Variants in RYR2 observed in about 807,000 individuals in gnomAD.
The protein encoded by RYR2 is ryanodine receptor 2, also known as cardiac muscle ryanodine receptor-calcium release channel.
A neutral mutation model predicts 601.1 loss-of-function variants in RYR2; 227 were observed. That is an observed-to-expected ratio of 0.38 (90% CI 0.34 to 0.42). The LOEUF (loss-of-function observed/expected upper bound fraction) is 0.42, where lower values mean the gene tolerates loss of function less well. Among genes scored for constraint, RYR2 ranks in the 10% least tolerant of loss-of-function variants. The pLI is 1.00. For missense variants in RYR2, 4,646 were observed against 6,156.5 expected (o/e 0.75, Z 8.21); for synonymous variants, 2,223 against 2,175.1 (o/e 1.02, Z -0.61).
At chr1:237,381,246 C>T (rs545117433) in intron 8 of RYR2, among the ~76,000 whole-genome samples, 5 of 102,070 alleles carry the variant, frequency 4.9e-5, no homozygotes, top group East Asian at 6.0e-4. Flanking sequence ...AACGAGACTC[C>T]GTCTCAAAAA....
intron 80 of RYR2, among the ~76,000 whole-genome samples, chr1:237,755,993 A>G (rs1692921042): frequency 6.6e-6 from 1 of 152,204 alleles, no homozygotes; most frequent in Non-Finnish European, 1.5e-5. Context: ...TTGATGAAGT[A>G]CAGTACTTCA....
chr1:237,792,360 TGTGTGTGTGTGTGTGTGTGTGC>T (rs1447553185), intron 94 of RYR2, 37 bp downstream of exon 94: 4 of 820,750 alleles, frequency 4.9e-6, no homozygotes, highest in African/African-American at 4.9e-5. Flanking sequence ...TGTGTGTGTG[TGTGTGTGTGTGTGTGTGTGTGC>T]GTGTGTGTGT....
chr1:237,215,262 C>T (rs1683031921), intron 1 of RYR2, among the ~76,000 whole-genome samples: 1 of 152,000 alleles, frequency 6.6e-6, no homozygotes. Flanking sequence ...CCTTTATTCT[C>T]AAGGAATACA....
intron 71 of RYR2, among the ~76,000 whole-genome samples, chr1:237,715,639 T>C (rs748759085): frequency 1.3e-5 from 2 of 152,132 alleles, no homozygotes; most frequent in Non-Finnish European, 2.9e-5. Context: ...CTTTACAGGT[T>C]AAAATCAATG....
intron 1 of RYR2, among the ~76,000 whole-genome samples, chr1:237,253,230 TTATTA>T (rs1484647108): frequency 3.6e-5 from 1 of 27,516 alleles, no homozygotes; most frequent in African/African-American, 4.4e-5. Context: ...TTACAAATTA[TTATTA>T]TATTATTATT....
chr1:237,369,549 G>T lies in RYR2; in HGVS notation c.325G>T (p.Gly109Cys). The change falls in exon 6 of 105, where the codon GGT (glycine) becomes TGT (cysteine). Residue 109 changes from glycine (G) to cysteine (C), a missense_variant. This residue lies in a region of RYR2 where 153 missense variants were observed against 203.6 expected (regional missense o/e 0.75). Coordinates refer to ENST00000366574, the MANE Select transcript of RYR2 (RefSeq NM_001035.3). ...KFMMKTAQGG[G>C]HRTLLYGHAI... ...CTCTCTAAAGACTGCTCAAGGTGGT[G>T]GTCATCGAACACTCCTCTACGGACA... The T allele has an allele frequency of 1.9e-6, 3 of 1,563,518 alleles. No homozygotes were observed. Among genetic ancestry groups the T allele is most frequent in the Admixed American group, 1.9e-5 (1 of 52,560 alleles).
At chr1:237,426,655 C>A (rs1228530143) in intron 12 of RYR2, among the ~76,000 whole-genome samples, 3 of 152,150 alleles carry the variant, frequency 2.0e-5, no homozygotes, top group African/African-American at 7.2e-5. Context: ...TGATATCCTT[C>A]CAGCAAAATA....
At chr1:237,131,333 T>C (rs748268412) in intron 1 of RYR2, among the ~76,000 whole-genome samples, 4 of 152,094 alleles carry the variant, frequency 2.6e-5, no homozygotes, top group Non-Finnish European at 5.9e-5. Flanking sequence ...GTAAATATTA[T>C]TATCTTTGAT....
chr1:237,424,046 C>T (rs926270363), intron 12 of RYR2, among the ~76,000 whole-genome samples: 5 of 151,990 alleles, frequency 3.3e-5, no homozygotes, highest in Admixed American at 6.5e-5. Flanking sequence ...TCAGGTCTCA[C>T]GAGAACTCAC....
Position 237,315,872 on chromosome 1 carries a change from C to T in RYR2, c.169-15006C>T, listed in dbSNP as rs574681040. Among the ~76,000 whole-genome samples, 248 of 152,106 alleles carry T rather than the reference C, an allele frequency of 1.6e-3. 1 individual carries two copies. The highest frequency in any genetic ancestry group is 3.5e-3 in the East Asian group (18 of 5,178). On this transcript the variant is annotated intron_variant, in intron 2 of 104. Coordinates refer to ENST00000366574, the MANE Select transcript of RYR2 (RefSeq NM_001035.3). The stretch of plus-strand genomic sequence containing the variant: ...GTAACCATTATGTCCAAACTTTATA[C>T]CAAAAATTTAAGATACCAGATAGGG...
intron 1 of RYR2, among the ~76,000 whole-genome samples, chr1:237,189,221 A>G: frequency 6.6e-6 from 1 of 152,066 alleles, no homozygotes; most frequent in East Asian, 1.9e-4. Context: ...ATGCCATAGA[A>G]TTTCCTTCTT....
chr1:237,120,679 C>T (rs1670670960), intron 1 of RYR2: 2 of 152,196 alleles, frequency 1.3e-5, no homozygotes, highest in African/African-American at 4.8e-5. Context: ...TGTGGTGAGG[C>T]TGAAATGTGC....
At chr1:237,166,463 C>G (rs1290374705) in intron 1 of RYR2, among the ~76,000 whole-genome samples, 1 of 150,746 alleles carries the variant, frequency 6.6e-6, no homozygotes, top group South Asian at 2.1e-4. Context: ...AAGCTGAAGT[C>G]TCTCAGGGCT....
intron 52 of RYR2, among the ~76,000 whole-genome samples, chr1:237,655,211 C>T (rs1258377987): frequency 6.6e-6 from 1 of 152,132 alleles, no homozygotes; most frequent in African/African-American, 2.4e-5. Context: ...ATTTATTTAA[C>T]ATTGAACATT....
chr1:237,424,123 G>T (rs1277354617), intron 12 of RYR2, among the ~76,000 whole-genome samples: 3 of 152,146 alleles, frequency 2.0e-5, no homozygotes, highest in Non-Finnish European at 4.4e-5. Context: ...CCCTCGAGAC[G>T]TGGAGATTAC....
intron 79 of RYR2, among the ~76,000 whole-genome samples, chr1:237,737,750 C>T (rs929202417): frequency 6.6e-6 from 1 of 152,130 alleles, no homozygotes; most frequent in Non-Finnish European, 1.5e-5. Context: ...TTTTTATACC[C>T]TTTCCCAGAC....
intron 60 of RYR2, 40 bp downstream of exon 60, chr1:237,674,886 T>C: frequency 8.8e-7 from 1 of 1,142,746 alleles, no homozygotes; most frequent in Non-Finnish European, 1.3e-6. Flanking sequence ...CCAGTGTTTG[T>C]TGTTTTTAAT....
At chr1:237,310,120 G>A (rs1694384568) in intron 2 of RYR2, among the ~76,000 whole-genome samples, 1 of 152,260 alleles carries the variant, frequency 6.6e-6, no homozygotes, top group South Asian at 2.1e-4. Flanking sequence ...CCGAGGCCGA[G>A]GAGGTGCTGA....
intron 1 of RYR2, among the ~76,000 whole-genome samples, chr1:237,257,458 T>C (rs1226208381): frequency 2.0e-5 from 3 of 151,994 alleles, no homozygotes; most frequent in African/African-American, 4.8e-5. Flanking sequence ...TACCTGGGAG[T>C]AGATGCTTAA....
Sources: allele counts gnomAD v4.1 joint callset (sites outside exome capture counted in the v4.1 genomes callset), GRCh38; gene constraint gnomAD v4.1.1; regional missense constraint gnomAD v4.1.1; transcripts MANE v1.5; gene names NCBI Gene and HGNC (gene_info 2026-07-23, HGNC 2026-07-21).